Variants in GPR176 observed in about 807,000 individuals in gnomAD.
GPR176 encodes G protein-coupled receptor 176, also known as G-protein coupled receptor 176.
Under a neutral mutation model 35.4 loss-of-function variants are expected in GPR176, and 26 were observed. The ratio of observed to expected loss-of-function variants is 0.74; its 90% CI spans 0.54 to 1.02. The LOEUF is 1.02. GPR176 is among the 50% of genes least tolerant of loss of function. GPR176 has a pLI of 0.00. For missense variants in GPR176, 597 were observed against 665.3 expected, an observed-to-expected ratio of 0.90 and a Z score of 1.13; for synonymous variants, 278 against 271.3, an observed-to-expected ratio of 1.02 and a Z score of -0.24.
intron 1 of GPR176, among the ~76,000 whole-genome samples, chr15:39,857,676 G>GA (rs970509364): frequency 9.6e-5 from 14 of 146,416 alleles, no homozygotes; most frequent in African/African-American, 2.5e-4. Context: ...TCTCAAAAAA[G>GA]AAAAAAAAAG....
intron 1 of GPR176, among the ~76,000 whole-genome samples, chr15:39,898,634 T>C (rs540650256): frequency 6.6e-6 from 1 of 152,116 alleles, no homozygotes; most frequent in Admixed American, 6.5e-5. Context: ...TCCTGGAGTG[T>C]AAAGAGACGA....
chr15:39,891,555 G>A (rs953769878), intron 1 of GPR176, among the ~76,000 whole-genome samples: 1 of 152,170 alleles, frequency 6.6e-6, no homozygotes, highest in Non-Finnish European at 1.5e-5. Flanking sequence ...CCCAGTCTAA[G>A]TCTGAAACTC....
chr15:39,916,261 G>A (rs1468992192), intron 1 of GPR176, among the ~76,000 whole-genome samples: 1 of 152,208 alleles, frequency 6.6e-6, no homozygotes, highest in East Asian at 1.9e-4. Context: ...ACTACTAAAA[G>A]TGATTGGTGC....
At chr15:39,877,343 A>G (rs1024481241) in intron 1 of GPR176, among the ~76,000 whole-genome samples, 4 of 152,176 alleles carry the variant, frequency 2.6e-5, no homozygotes, top group African/African-American at 7.2e-5. Context: ...ACATCCCTGA[A>G]CACACTCATT....
chr15:39,917,145 T>C (rs2033746935), intron 1 of GPR176, among the ~76,000 whole-genome samples: 1 of 151,860 alleles, frequency 6.6e-6, no homozygotes, highest in Non-Finnish European at 1.5e-5. Flanking sequence ...TAGCCAGGCG[T>C]GGTGGCGGGC....
At chr15:39,831,840 A>G (rs747636715) in intron 1 of GPR176, among the ~76,000 whole-genome samples, 39 of 152,240 alleles carry the variant, frequency 2.6e-4, no homozygotes, top group African/African-American at 8.9e-4. Flanking sequence ...CCTAAAATAC[A>G]GAATTGATCA....
At chr15:39,816,668 A>G (rs1210535610) in intron 1 of GPR176, among the ~76,000 whole-genome samples, 2 of 152,248 alleles carry the variant, frequency 1.3e-5, no homozygotes, top group Admixed American at 1.3e-4. Flanking sequence ...TTTCATCATT[A>G]TGGAAAGAGT....
In GPR176 at chr15:39,872,795, A is replaced by G. The variant is rs574103780; in HGVS notation, c.172+47060T>C. On this transcript the variant is annotated intron_variant, in intron 1 of 2. Coordinates refer to ENST00000561100, the MANE Select transcript of GPR176 (RefSeq NM_007223.3). The stretch of plus-strand genomic sequence containing the variant: ...CTCACTCACTTTTCGCAAAGATAGC[A>G]CTAACCCACGAGGGATCTGCTCCCA... Among the ~76,000 whole-genome samples, 5 of 152,244 alleles carry G rather than the reference A, an allele frequency of 3.3e-5. No homozygotes were observed. In the South Asian group the frequency reaches 6.2e-4, roughly 19 times the overall value.
intron 1 of GPR176, among the ~76,000 whole-genome samples, chr15:39,893,889 C>T (rs1398350332): frequency 2.4e-3 from 283 of 117,398 alleles, no homozygotes; most frequent in Non-Finnish European, 3.2e-3. Context: ...CCGGACGGGG[C>T]GGCTGGCCGG....
intron 1 of GPR176, among the ~76,000 whole-genome samples, chr15:39,912,398 C>G (rs770294433): frequency 6.6e-6 from 1 of 151,990 alleles, no homozygotes; most frequent in Non-Finnish European, 1.5e-5. Flanking sequence ...GGGTGGATCA[C>G]TTGAGCCCAG....
At chr15:39,836,049 C>T (rs1337953208) in intron 1 of GPR176, among the ~76,000 whole-genome samples, 1 of 152,164 alleles carries the variant, frequency 6.6e-6, no homozygotes, top group African/African-American at 2.4e-5. Context: ...GAGCCAAGAT[C>T]GTGCCACTGC....
chr15:39,870,565 C>G (rs1369885), intron 1 of GPR176, among the ~76,000 whole-genome samples: 1 of 151,928 alleles, frequency 6.6e-6, no homozygotes, highest in Non-Finnish European at 1.5e-5. Flanking sequence ...AACCAGAAAA[C>G]TAACAAAATG....
At chr15:39,891,760 G>A (rs2032880977) in intron 1 of GPR176, among the ~76,000 whole-genome samples, 1 of 152,170 alleles carries the variant, frequency 6.6e-6, no homozygotes, top group South Asian at 2.1e-4. Context: ...GACCACTTAA[G>A]CCCAGGAGTT....
chr15:39,833,699 C>T (rs1901232298), intron 1 of GPR176, among the ~76,000 whole-genome samples: 1 of 152,112 alleles, frequency 6.6e-6, no homozygotes, highest in African/African-American at 2.4e-5. Flanking sequence ...AAAAATGAGT[C>T]AGTACATTAC....
intron 1 of GPR176, among the ~76,000 whole-genome samples, chr15:39,823,836 A>T (rs1169064614): frequency 6.6e-6 from 1 of 152,340 alleles, no homozygotes; most frequent in South Asian, 2.1e-4. Context: ...CCCCTAGAGT[A>T]CTGCTATCCT....
chr15:39,907,752 T>G (rs1213584586), intron 1 of GPR176, among the ~76,000 whole-genome samples: 4 of 152,232 alleles, frequency 2.6e-5, no homozygotes, highest in Non-Finnish European at 5.9e-5. Context: ...CAGCTAGATT[T>G]TTTTTCTTGC....
chr15:39,887,412 G>T (rs1253393880), intron 1 of GPR176, among the ~76,000 whole-genome samples: 1 of 152,106 alleles, frequency 6.6e-6, no homozygotes, highest in Non-Finnish European at 1.5e-5. Context: ...AGAGGTGAAT[G>T]GCCCACCACC....
chr15:39,890,651 T>C (rs2032837760), intron 1 of GPR176, among the ~76,000 whole-genome samples: 1 of 152,232 alleles, frequency 6.6e-6, no homozygotes, highest in South Asian at 2.1e-4. Flanking sequence ...TATTCATTCA[T>C]TCTAGCTACA....
chr15:39,911,311 T>G (rs1054258162), intron 1 of GPR176, among the ~76,000 whole-genome samples: 1 of 152,158 alleles, frequency 6.6e-6, no homozygotes, highest in Admixed American at 6.5e-5. Context: ...ATTCCAAAAC[T>G]GATAATAAAC....
Sources: gnomAD v4.1 joint callset for allele counts (sites outside exome capture counted in the v4.1 genomes callset) on GRCh38, gnomAD v4.1.1 for gene constraint, MANE v1.5 for transcripts, NCBI Gene and HGNC (gene_info 2026-07-23, HGNC 2026-07-21) for gene names.